Variants in CEP128 observed in about 807,000 individuals in gnomAD.
The protein encoded by CEP128 is centrosomal protein 128kDa.
In CEP128, 132 loss-of-function variants were observed where a neutral mutation model predicts 156.7. That is an observed-to-expected ratio of 0.84 (90% CI 0.73 to 0.97). The LOEUF is 0.97. CEP128 is among the 50% of genes least tolerant of loss of function. The pLI, the probability that CEP128 is intolerant of heterozygous loss-of-function variation, is 0.00. For synonymous variants in CEP128, 469 were observed against 448.9 expected (o/e 1.04, Z -0.57); for missense variants, 1,252 against 1,281.9 (o/e 0.98, Z 0.36).
intron 2 of CEP128, among the ~76,000 whole-genome samples, chr14:80,937,867 C>T (rs1261856397): frequency 6.6e-6 from 1 of 151,588 alleles, no homozygotes; most frequent in Non-Finnish European, 1.5e-5. Context: ...CAATAGGTCC[C>T]CCATCCAGCT....
intron 14 of CEP128, among the ~76,000 whole-genome samples, chr14:80,479,848 T>G (rs770887175): frequency 1.3e-5 from 2 of 152,192 alleles, no homozygotes; most frequent in Non-Finnish European, 2.9e-5. Context: ...AGCTAGTTAC[T>G]TCCTAGATAC....
At chr14:80,736,424 A>G (rs1054009233) in intron 19 of CEP128, among the ~76,000 whole-genome samples, 1 of 152,168 alleles carries the variant, frequency 6.6e-6, no homozygotes, top group Non-Finnish European at 1.5e-5. Context: ...CTACACAAAT[A>G]ATCTATAAAG....
At chr14:80,690,471 G>T (rs1471131562) in intron 19 of CEP128, among the ~76,000 whole-genome samples, 1 of 150,872 alleles carries the variant, frequency 6.6e-6, no homozygotes, top group African/African-American at 2.4e-5. Flanking sequence ...GATGTTAAGT[G>T]TAATAGCTTA....
intron 19 of CEP128, among the ~76,000 whole-genome samples, chr14:80,593,177 T>TA (rs897170613): frequency 6.6e-6 from 1 of 151,832 alleles, no homozygotes; most frequent in African/African-American, 2.4e-5. Context: ...ATACCAGAAA[T>TA]AAATGGTATT....
intron 21 of CEP128, among the ~76,000 whole-genome samples, chr14:80,553,673 T>C (rs768421166): frequency 3.3e-5 from 5 of 152,236 alleles, no homozygotes; most frequent in East Asian, 1.9e-4. Context: ...TTTTCTCTTA[T>C]GTACTTTGAA....
intron 19 of CEP128, among the ~76,000 whole-genome samples, chr14:80,725,086 C>T (rs1284788960): frequency 6.7e-6 from 1 of 149,128 alleles, no homozygotes; most frequent in African/African-American, 2.5e-5. Flanking sequence ...CCCTATTATA[C>T]ACCATGGGTG....
At chr14:80,749,289 C>T (rs28887590) in intron 18 of CEP128, among the ~76,000 whole-genome samples, 3 of 152,134 alleles carry the variant, frequency 2.0e-5, no homozygotes, top group Admixed American at 6.5e-5. Flanking sequence ...TAGGTATATA[C>T]CCAAAAGAAA....
intron 21 of CEP128, among the ~76,000 whole-genome samples, chr14:80,557,105 T>A (rs1417903329): frequency 6.6e-6 from 1 of 152,204 alleles, no homozygotes; most frequent in African/African-American, 2.4e-5. Context: ...GGTGACTTTT[T>A]ATTTTTACCT....
intron 6 of CEP128, among the ~76,000 whole-genome samples, chr14:80,901,205 CAA>C (rs1045146086): frequency 7.2e-6 from 1 of 138,900 alleles, no homozygotes. Flanking sequence ...GACTCCGTCT[CAA>C]AAAAAAAAAT....
intron 19 of CEP128, among the ~76,000 whole-genome samples, chr14:80,648,483 G>A (rs2140836350): frequency 6.6e-6 from 1 of 151,918 alleles, no homozygotes; most frequent in South Asian, 2.1e-4. Context: ...AATATTACTA[G>A]CCCTCCTTTG....
At chr14:80,934,938 C>T (rs1652564591) in intron 2 of CEP128, among the ~76,000 whole-genome samples, 1 of 152,138 alleles carries the variant, frequency 6.6e-6, no homozygotes, top group Admixed American at 6.5e-5. Flanking sequence ...TATTGATTTA[C>T]AGTTTCCTAT....
intron 2 of CEP128, 126 bp from the exon 3 acceptor site, chr14:80,916,688 T>C: frequency 1.5e-6 from 1 of 679,786 alleles, no homozygotes; most frequent in Non-Finnish European, 2.4e-6. Context: ...CACACTGTAA[T>C]TTCTACATAC....
rs73340525 is a variant in CEP128 at position 80,746,839 on chromosome 14, T to G, written c.2614-3572A>C. On this transcript the variant is annotated intron_variant, in intron 18 of 24. Transcript: ENST00000555265. ...GGCAGAAAATATTTGCAACTCAATG[T>G]CTAATAAGGGAATTACATGTCAGAT... Among the ~76,000 whole-genome samples the G allele has an allele frequency of 6.1e-3, 922 of 152,294 alleles. 8 individuals are homozygous for G. Among genetic ancestry groups the G allele is most frequent in the African/African-American group, 0.021 (854 of 41,574 alleles).
At chr14:80,702,981 T>C (rs1218471403) in intron 19 of CEP128, among the ~76,000 whole-genome samples, 1 of 152,166 alleles carries the variant, frequency 6.6e-6, no homozygotes, top group East Asian at 1.9e-4. Context: ...ATTATGTATG[T>C]ATGTATGTAC....
In CEP128 at chr14:80,496,633, C is replaced by T. The variant is rs1347190543; in HGVS notation, c.*846G>A. 6.6e-6 allele frequency: 1 copy of T among 152,332 alleles called. No homozygotes were observed. The highest frequency in any genetic ancestry group is 2.4e-5 in the African/African-American group (1 of 41,420). 9.4% of individuals were successfully genotyped at this position (152,332 alleles called of 1,614,324 possible). A position where few individuals can be genotyped will look rare whatever the true frequency, so the allele number is the denominator to read the frequency against. ...TGTAAAGGGAATACGTTCTTAGACA[C>T]TTTGATGAAAAAAGTTGGGATGGTA... On this transcript the variant is annotated 3_prime_UTR_variant, in exon 25 of 25. Transcript: ENST00000555265.
rs75957670 is a variant in CEP128 at position 80,780,885 on chromosome 14, T to G, written c.2212-2839A>C. On this transcript the variant is annotated intron_variant, in intron 15 of 24. Transcript: ENST00000555265. ...TAATGCCTGTCCCTCTGGAGACTTA[T>G]GAACATGCAACAAATCAAAATACAA... Among the ~76,000 whole-genome samples, 594 of 152,300 alleles carry G rather than the reference T, an allele frequency of 3.9e-3. 7 individuals carry two copies. Among genetic ancestry groups the G allele is most frequent in the African/African-American group, 0.014 (573 of 41,566 alleles).
intron 18 of CEP128, among the ~76,000 whole-genome samples, chr14:80,747,280 T>C (rs539524123): frequency 3.3e-5 from 5 of 152,272 alleles, no homozygotes; most frequent in South Asian, 2.1e-4. Context: ...AAAACTCAGA[T>C]AGAAATTACT....
At chr14:80,561,896 CTA>C (rs145642470) in intron 20 of CEP128, among the ~76,000 whole-genome samples, 16 of 142,216 alleles carry the variant, frequency 1.1e-4, no homozygotes, top group South Asian at 2.3e-4. Flanking sequence ...ATACGAAGGT[CTA>C]TATATATATA....
At chr14:80,763,960 C>A (rs1048968277) in intron 16 of CEP128, among the ~76,000 whole-genome samples, 2 of 152,068 alleles carry the variant, frequency 1.3e-5, no homozygotes, top group Non-Finnish European at 2.9e-5. Flanking sequence ...CAGAGACTAC[C>A]GATGTATTAG....
Sources: gnomAD v4.1 joint callset for allele counts (sites outside exome capture counted in the v4.1 genomes callset) on GRCh38, gnomAD v4.1.1 for gene constraint, MANE v1.5 for transcripts, NCBI Gene and HGNC (gene_info 2026-07-23, HGNC 2026-07-21) for gene names.